Variants in FAM171B observed in about 807,000 individuals in gnomAD.
The protein encoded by FAM171B is family with sequence similarity 171 member B, also known as protein FAM171B.
A neutral mutation model predicts 75.6 loss-of-function variants in FAM171B; 19 were observed. That is an observed-to-expected ratio of 0.25 (90% confidence interval 0.18 to 0.37). FAM171B has a LOEUF of 0.37. Among genes scored for constraint, FAM171B ranks in the 10% least tolerant of loss-of-function variants. The pLI is 1.00. For synonymous variants in FAM171B, 367 were observed against 361.7 expected (o/e 1.01, Z -0.17); for missense variants, 848 against 982.4 (o/e 0.86, Z 1.83).
chr2:186,738,023 T>C (rs1434040285), intron 1 of FAM171B, among the ~76,000 whole-genome samples: 2 of 152,176 alleles, frequency 1.3e-5, no homozygotes, highest in Non-Finnish European at 2.9e-5. Flanking sequence ...GCTTCTGTGT[T>C]GGGTGCTGGC....
chr2:186,694,517 C>A, intron 1 of FAM171B, 106 bp downstream of exon 1: 1 of 1,400,882 alleles, frequency 7.1e-7, no homozygotes, highest in Non-Finnish European at 9.6e-7. Flanking sequence ...CTCGTTCGTT[C>A]CTGTCACCAT....
At chr2:186,737,453 C>A (rs1234971356) in intron 1 of FAM171B, among the ~76,000 whole-genome samples, 1 of 152,126 alleles carries the variant, frequency 6.6e-6, no homozygotes, top group African/African-American at 2.4e-5. Flanking sequence ...ACCTCCTGGG[C>A]TAAATCATCC....
chr2:186,761,044 C>A, intron 6 of FAM171B, 69 bp from the exon 7 acceptor site: 1 of 1,510,964 alleles, frequency 6.6e-7, no homozygotes, highest in Non-Finnish European at 9.0e-7. Context: ...TTGCCTCACC[C>A]AGGATGTGAC....
At chr2:186,697,909 A>AT (rs1281369684) in intron 1 of FAM171B, among the ~76,000 whole-genome samples, 2 of 152,194 alleles carry the variant, frequency 1.3e-5, no homozygotes, top group Non-Finnish European at 2.9e-5. Flanking sequence ...AAAAATCAGG[A>AT]TTTAAAAAAG....
Position 186,761,928 on chromosome 2 carries a change from A to G in FAM171B, c.1586A>G (p.Glu529Gly). 6.2e-7 allele frequency: 1 copy of G among 1,613,326 alleles called. No homozygotes were observed. The highest frequency in any genetic ancestry group is 2.2e-5 in the East Asian group (1 of 44,824). Residue 529 changes from glutamate (E) to glycine (G), a missense_variant, in exon 8 of 8, where the codon GAA (glutamate) becomes GGA (glycine). Physicochemically the swap from Glu to Gly is moderately conservative, Grantham distance 98. This residue lies in a region of FAM171B where 665 missense variants were observed against 729.0 expected (regional missense o/e 0.91). Coordinates refer to ENST00000304698, the MANE Select transcript of FAM171B (RefSeq NM_177454.4). ...GCGTATGGGCGTTCCCATATTCCTGAACAGCTTATGCATATTTACAGCCAA... is the reference window on the plus strand; with the variant it reads ...GCGTATGGGCGTTCCCATATTCCTGGACAGCTTATGCATATTTACAGCCAA... ...EEAYGRSHIP[E>G]QLMHIYSQPI...
At chr2:186,759,939 A>G (rs192904105) in intron 6 of FAM171B, among the ~76,000 whole-genome samples, 106 of 152,098 alleles carry the variant, frequency 7.0e-4, no homozygotes, top group African/African-American at 2.3e-3. Flanking sequence ...TAAGTCTTTA[A>G]TCTATTTTGA....
intron 1 of FAM171B, among the ~76,000 whole-genome samples, chr2:186,708,751 G>A (rs1072901): frequency 0.32 from 48,412 of 152,048 alleles, 8,493 homozygotes; most frequent in East Asian, 0.73. Context: ...TCCAAATGCA[G>A]CACTTAAATT....
In FAM171B at chr2:186,764,076, A is replaced by G. The variant is rs1690663657; in HGVS notation, c.*1253A>G. ...TTTAATTAACTCTGAATTACCATTC[A>G]TACATCCTAAAAATAAAAGCTCGTT... is the stretch of plus-strand genomic sequence containing the variant. On this transcript the variant is annotated 3_prime_UTR_variant, in exon 8 of 8. Coordinates refer to ENST00000304698, the MANE Select transcript of FAM171B (RefSeq NM_177454.4). The G allele has an allele frequency of 6.6e-6, 1 of 152,100 alleles. No individual in the cohort carries two copies. Among genetic ancestry groups the G allele is most frequent in the African/African-American group, 2.4e-5 (1 of 41,448 alleles). 9.4% of individuals were successfully genotyped at this position (152,100 alleles called of 1,614,324 possible).
chr2:186,725,550 C>T (rs1368627582), intron 1 of FAM171B, among the ~76,000 whole-genome samples: 1 of 152,108 alleles, frequency 6.6e-6, no homozygotes, highest in Non-Finnish European at 1.5e-5. Context: ...GTTCAGGGAG[C>T]TGTGCTATTC....
intron 1 of FAM171B, among the ~76,000 whole-genome samples, chr2:186,723,700 T>G (rs1005608875): frequency 1.3e-5 from 2 of 152,196 alleles, no homozygotes; most frequent in Admixed American, 1.3e-4. Context: ...GAAGAAATGT[T>G]AAAGAATTAA....
rs1056919762 is a variant in FAM171B at position 186,734,714 on chromosome 2, C to A, written c.239-5514C>A. Among the ~76,000 whole-genome samples, 6 of 152,290 alleles carry A rather than the reference C, an allele frequency of 3.9e-5. No individual in the cohort carries two copies. In the East Asian group the frequency reaches 1.2e-3, roughly 29 times the overall value. ...GCAACCTGGCCCCCGTGCTTCAGGC[C>A]ATACCTGAGGGGTGCTGAGGGGTAC... On this transcript the variant is annotated intron_variant, in intron 1 of 7. Coordinates refer to ENST00000304698, the MANE Select transcript of FAM171B (RefSeq NM_177454.4).
At chr2:186,733,517 G>T (rs1690150564) in intron 1 of FAM171B, among the ~76,000 whole-genome samples, 1 of 152,186 alleles carries the variant, frequency 6.6e-6, no homozygotes, top group Non-Finnish European at 1.5e-5. Flanking sequence ...CCCAAGTTTT[G>T]CTCAGGCCCA....
chr2:186,727,298 A>T (rs1690048567), intron 1 of FAM171B, among the ~76,000 whole-genome samples: 1 of 152,184 alleles, frequency 6.6e-6, no homozygotes, highest in African/African-American at 2.4e-5. Flanking sequence ...CATTTATTTG[A>T]AAAGGGGGCA....
chr2:186,746,998 T>A, intron 3 of FAM171B, 94 bp from the exon 4 acceptor site: 2 of 880,258 alleles, frequency 2.3e-6, no homozygotes, highest in Middle Eastern at 2.3e-4. Context: ...TAGCAATAAT[T>A]ATAATTGCTT....
At chr2:186,753,824 T>G in intron 5 of FAM171B, 109 bp from the exon 6 acceptor site, 1 of 744,142 alleles carries the variant, frequency 1.3e-6, no homozygotes, top group South Asian at 1.6e-5. Context: ...TATGATTATA[T>G]ATTGCCACAG....
rs575418978 is a variant in FAM171B at position 186,712,788 on chromosome 2, C to T, written c.238+18377C>T. ...ACTCCTGCTCACATTCTTTTTCTCACTTTCGTTTATTTGTTCACTTCGCAG... is the reference window on the plus strand; with the variant it reads ...ACTCCTGCTCACATTCTTTTTCTCATTTTCGTTTATTTGTTCACTTCGCAG... On this transcript the variant is annotated intron_variant, in intron 1 of 7. Transcript: ENST00000304698. Among the ~76,000 whole-genome samples, 11 of 152,268 alleles carry T rather than the reference C, an allele frequency of 7.2e-5. No individual in the cohort carries two copies. The South Asian group carries it at 1.0e-3, about 14-fold the overall frequency.
At chr2:186,718,767 TTTAA>T (rs1689908815) in intron 1 of FAM171B, among the ~76,000 whole-genome samples, 1 of 152,256 alleles carries the variant, frequency 6.6e-6, no homozygotes, top group Admixed American at 6.5e-5. Context: ...CTGAGGCAAA[TTTAA>T]TTGATATCTT....
At chr2:186,699,720 C>T (rs906303099) in intron 1 of FAM171B, among the ~76,000 whole-genome samples, 7 of 152,006 alleles carry the variant, frequency 4.6e-5, no homozygotes, top group African/African-American at 1.2e-4. Flanking sequence ...TGGAAAATTT[C>T]CCCAGTGTTT....
rs528614431 is a variant in FAM171B, at chr2:186,718,724, T to A, written c.239-21504T>A. Among the ~76,000 whole-genome samples the A allele has an allele frequency of 5.9e-5, 9 of 152,286 alleles. No homozygotes were observed. The South Asian group carries it at 1.9e-3, about 32-fold the overall frequency. Reference sequence around the variant, plus strand: ...CCGTATACTCCTACTGGACCTGGCATTTTACTTAATTCCTGGTCAGTATTC... The same window carrying A: ...CCGTATACTCCTACTGGACCTGGCAATTTACTTAATTCCTGGTCAGTATTC... On this transcript the variant is annotated intron_variant, in intron 1 of 7. Coordinates refer to ENST00000304698, the MANE Select transcript of FAM171B (RefSeq NM_177454.4).
Sources: allele counts gnomAD v4.1 joint callset (sites outside exome capture counted in the v4.1 genomes callset), GRCh38; gene constraint gnomAD v4.1.1; regional missense constraint gnomAD v4.1.1; transcripts MANE v1.5; gene names NCBI Gene and HGNC (gene_info 2026-07-23, HGNC 2026-07-21).